Variants in ACTR3C observed in about 807,000 individuals in gnomAD.
The protein encoded by ACTR3C is actin-related protein 3C.
Under a neutral mutation model 26.3 loss-of-function variants are expected in ACTR3C, and 18 were observed. The observed-to-expected ratio is 0.68, with a 90% CI of 0.47 to 1.01. The LOEUF (loss-of-function observed/expected upper bound fraction) is 1.01, where lower values mean the gene tolerates loss of function less well. Ranked by LOEUF, ACTR3C falls within the 50% of genes least tolerant of loss-of-function variation. The probability of loss-of-function intolerance (pLI) is 0.00; values close to 1 mark genes in which losing one functional copy is unlikely to be tolerated. For missense variants in ACTR3C, 184 were observed against 250.7 expected (o/e 0.73, Z 1.80); for synonymous variants, 55 against 94.5 (o/e 0.58, Z 2.42).
At chr7:149,902,409 G>A in the ACTR3C span, among the ~76,000 whole-genome samples, 64,077 of 147,480 alleles carry the variant, frequency 0.43, 13,910 homozygotes, top group African/African-American at 0.51. Context: ...TGCAATTACA[G>A]TTCAGCATGT....
At chr7:149,910,225 GC>G in the ACTR3C span, among the ~76,000 whole-genome samples, 1 of 147,062 alleles carries the variant, frequency 6.8e-6, no homozygotes, top group Non-Finnish European at 1.5e-5. Flanking sequence ...GGGGTGGGGG[GC>G]GGCGGTTAGA....
At chr7:150,089,697 C>G in the ACTR3C span, among the ~76,000 whole-genome samples, 1 of 152,216 alleles carries the variant, frequency 6.6e-6, no homozygotes. Context: ...TCTGGTGCCA[C>G]TCAAGTTCCC....
chr7:150,042,139 G>A, the ACTR3C span, among the ~76,000 whole-genome samples: 14 of 48,602 alleles, frequency 2.9e-4, no homozygotes, highest in Non-Finnish European at 3.6e-4. Context: ...CTAAGAGCCA[G>A]TGGGGGAACC....
chr7:150,020,348 C>T, the ACTR3C span, among the ~76,000 whole-genome samples: 6 of 151,990 alleles, frequency 3.9e-5, no homozygotes, highest in African/African-American at 4.8e-5. Context: ...TGTGTTTTTT[C>T]GGTCCTTTTC....
chr7:150,152,039 G>A, the ACTR3C span, among the ~76,000 whole-genome samples: 54 of 118,774 alleles, frequency 4.5e-4, no homozygotes, highest in Middle Eastern at 4.9e-3. Flanking sequence ...GAGATTTTGG[G>A]CTGCGACAAT....
chr7:149,906,348 T>C, the ACTR3C span, among the ~76,000 whole-genome samples: 1 of 151,150 alleles, frequency 6.6e-6, no homozygotes, highest in Admixed American at 6.6e-5. Flanking sequence ...AGATGAAATA[T>C]GCAGTAATGA....
intron 1 of ACTR3C, among the ~76,000 whole-genome samples, chr7:150,297,925 T>C (rs1795068929): frequency 1.3e-5 from 2 of 150,196 alleles, no homozygotes; most frequent in African/African-American, 2.5e-5. Flanking sequence ...TAAATTTTAA[T>C]GGAAAAAAAT....
chr7:150,127,368 CA>C, the ACTR3C span, among the ~76,000 whole-genome samples: 1 of 152,216 alleles, frequency 6.6e-6, no homozygotes, highest in Non-Finnish European at 1.5e-5. Flanking sequence ...GTCTTGCCCA[CA>C]GGACCTCCAC....
chr7:149,910,862 A>G, the ACTR3C span, among the ~76,000 whole-genome samples: 1 of 151,414 alleles, frequency 6.6e-6, no homozygotes, highest in Non-Finnish European at 1.5e-5. Context: ...AAAACAAGTC[A>G]GCTCCCCTCA....
At chr7:149,990,538 G>A in the ACTR3C span, among the ~76,000 whole-genome samples, 4 of 126,304 alleles carry the variant, frequency 3.2e-5, no homozygotes, top group Non-Finnish European at 5.0e-5. Context: ...CTGGCCTAGC[G>A]GTTGGAGATG....
the ACTR3C span, among the ~76,000 whole-genome samples, chr7:150,227,705 T>C: frequency 6.8e-6 from 1 of 146,310 alleles, no homozygotes; most frequent in East Asian, 2.0e-4. Flanking sequence ...TTTTTTGTTT[T>C]TTTTTTTTGG....
chr7:150,156,289 C>T, the ACTR3C span, among the ~76,000 whole-genome samples: 2 of 152,118 alleles, frequency 1.3e-5, no homozygotes, highest in East Asian at 1.9e-4. Context: ...ATAGGCTGGC[C>T]ATGTGTTTAA....
intron 3 of ACTR3C, among the ~76,000 whole-genome samples, chr7:150,291,448 G>A (rs1233203114): frequency 2.0e-5 from 3 of 152,094 alleles, no homozygotes; most frequent in Non-Finnish European, 2.9e-5. Flanking sequence ...AAGAAAAAGA[G>A]CTTAAAGACT....
chr7:150,193,403 A>C, the ACTR3C span, among the ~76,000 whole-genome samples: 10 of 125,706 alleles, frequency 8.0e-5, 1 homozygote, highest in South Asian at 5.1e-4. Context: ...TTGATTTTTT[A>C]TTTTCTTTTT....
the ACTR3C span, among the ~76,000 whole-genome samples, chr7:150,161,367 C>T: frequency 6.6e-6 from 1 of 151,352 alleles, no homozygotes; most frequent in Non-Finnish European, 1.5e-5. Context: ...CTCCGCCAGT[C>T]CCCCACCCCA....
the ACTR3C span, among the ~76,000 whole-genome samples, chr7:150,094,234 A>T: frequency 4.7e-5 from 7 of 150,294 alleles, no homozygotes; most frequent in Non-Finnish European, 7.4e-5. Flanking sequence ...GGACATTCAG[A>T]AAGAATCTAC....
chr7:150,231,093 G>A, the ACTR3C span, among the ~76,000 whole-genome samples: 2 of 151,776 alleles, frequency 1.3e-5, no homozygotes, highest in African/African-American at 4.8e-5. Flanking sequence ...TTCTGTCTAA[G>A]CACTGCTTTC....
At chr7:150,115,766 T>C in the ACTR3C span, among the ~76,000 whole-genome samples, 1 of 152,230 alleles carries the variant, frequency 6.6e-6, no homozygotes, top group African/African-American at 2.4e-5. Context: ...TTAATCTCTA[T>C]CTTTCCCTTG....
chr7:150,318,978 C>T (rs1490125508), intron 1 of ACTR3C, among the ~76,000 whole-genome samples: 1 of 152,118 alleles, frequency 6.6e-6, no homozygotes, highest in Non-Finnish European at 1.5e-5. Context: ...CATTTTCAAA[C>T]AAGTTTCCCA....
Sources: gnomAD v4.1 joint callset for allele counts (sites outside exome capture counted in the v4.1 genomes callset) on GRCh38, gnomAD v4.1.1 for gene constraint, MANE v1.5 for transcripts, NCBI Gene and HGNC (gene_info 2026-07-23, HGNC 2026-07-21) for gene names.